Variants in FRRS1 observed in about 807,000 individuals in gnomAD.
The protein encoded by FRRS1 is ferric reductase 1.
FRRS1 carries 51 observed loss-of-function variants against 70.7 expected under a neutral mutation model. The ratio of observed to expected loss-of-function variants is 0.72; its 90% confidence interval spans 0.58 to 0.91. The LOEUF is 0.91. FRRS1 is among the 40% of genes least tolerant of loss of function. FRRS1 has a pLI of 0.00. For synonymous variants in FRRS1, 225 were observed against 238.7 expected, an observed-to-expected ratio of 0.94 and a Z score of 0.53; for missense variants, 672 against 726.0, an observed-to-expected ratio of 0.93 and a Z score of 0.86.
intron 1 of FRRS1, among the ~76,000 whole-genome samples, chr1:99,762,264 A>G (rs913364685): frequency 3.3e-5 from 5 of 152,228 alleles, no homozygotes; most frequent in Admixed American, 1.3e-4. Flanking sequence ...CAGAAACTCC[A>G]TAAGCGTTAG....
At chr1:99,722,516 A>G (rs920712878) in intron 9 of FRRS1, among the ~76,000 whole-genome samples, 4 of 152,200 alleles carry the variant, frequency 2.6e-5, no homozygotes, top group Non-Finnish European at 4.4e-5. Context: ...ATATTAAGAG[A>G]ATAATAAAAC....
chr1:99,743,739 G>A (rs559939011), intron 4 of FRRS1, among the ~76,000 whole-genome samples: 59 of 152,118 alleles, frequency 3.9e-4, no homozygotes, highest in African/African-American at 1.4e-3. Context: ...TTGTAGAGAC[G>A]GGGTTTCGCC....
chr1:99,742,885 G>T (rs369686182), intron 4 of FRRS1, among the ~76,000 whole-genome samples: 1 of 152,118 alleles, frequency 6.6e-6, no homozygotes, highest in African/African-American at 2.4e-5. Flanking sequence ...GTTCATAGAT[G>T]TGCTTATATG....
chr1:99,707,461 T>G lies in FRRS1; in HGVS notation c.*1567A>C, dbSNP rs1285990455. 1.3e-5 allele frequency among the ~76,000 whole-genome samples: 2 copies of G among 152,168 alleles called. No homozygotes were observed. Among genetic ancestry groups the G allele is most frequent in the East Asian group, 1.9e-4 (1 of 5,208 alleles). ...ATTTATTTGCTTTGCCTAAGATAGC[T>G]GCATTCATTATTACAGGGTCAGGGG... On this transcript the variant is annotated 3_prime_UTR_variant, in exon 17 of 17. Transcript: ENST00000646001.
intron 1 of FRRS1, among the ~76,000 whole-genome samples, chr1:99,762,299 T>C (rs949080437): frequency 6.6e-6 from 1 of 152,130 alleles, no homozygotes; most frequent in African/African-American, 2.4e-5. Context: ...GTTTATCATG[T>C]TTTTCCACCA....
intron 1 of FRRS1, among the ~76,000 whole-genome samples, chr1:99,749,961 G>T (rs1034517301): frequency 9.9e-5 from 15 of 152,188 alleles, no homozygotes; most frequent in Admixed American, 9.8e-4. Flanking sequence ...TATAGAAAAG[G>T]AGTTTTCTAT....
intron 15 of FRRS1, 45 bp from the exon 16 acceptor site, chr1:99,709,304 G>T: frequency 7.3e-7 from 1 of 1,377,168 alleles, no homozygotes; most frequent in Non-Finnish European, 1.0e-6. Context: ...GCGTTATGCA[G>T]GTAAATTAAA....
chr1:99,738,819 A>C (rs1655808788), intron 6 of FRRS1, among the ~76,000 whole-genome samples: 1 of 152,212 alleles, frequency 6.6e-6, no homozygotes, highest in African/African-American at 2.4e-5. Context: ...GGTCGCCCCA[A>C]TTTACCAGCA....
At position 99,708,605 on chromosome 1, in the gene FRRS1, A is replaced by AAC. The variant is rs1654109914; in HGVS notation, c.*422_*423insGT. ...AGAGCAAGACTCTGTCTCAAAAAAAAAAAAAAAAAAAAAAAAAAAAATATA... is the reference window on the plus strand; with the variant it reads ...AGAGCAAGACTCTGTCTCAAAAAAAAACAAAAAAAAAAAAAAAAAAAAATATA... On this transcript the variant is annotated 3_prime_UTR_variant, in exon 17 of 17. Coordinates refer to ENST00000646001, the MANE Select transcript of FRRS1 (RefSeq NM_001361041.2). 1.5e-5 allele frequency: 1 copy of AAC among 68,588 alleles called. No individual in the cohort carries two copies. The highest frequency in any genetic ancestry group is 2.4e-5 in the Non-Finnish European group (1 of 42,474). The allele number at this position is 68,588 out of a possible 1,614,324, so 4.2% of individuals were successfully genotyped here.
At chr1:99,729,614 T>C in intron 8 of FRRS1, 36 bp downstream of exon 8, 4 of 1,316,926 alleles carry the variant, frequency 3.0e-6, no homozygotes, top group Non-Finnish European at 3.3e-6. Flanking sequence ...GGAAAGCGGG[T>C]CTCCAGGTGG....
intron 4 of FRRS1, among the ~76,000 whole-genome samples, chr1:99,744,887 G>A (rs1571141448): frequency 6.7e-6 from 1 of 148,996 alleles, no homozygotes; most frequent in African/African-American, 2.5e-5. Flanking sequence ...GGAGAATGGC[G>A]TGAACCCGGG....
rs899828635 is a variant in FRRS1 at position 99,741,359 on chromosome 1, C to T, written c.429-419G>A. Among the ~76,000 whole-genome samples the T allele has an allele frequency of 3.9e-5, 6 of 152,240 alleles. No homozygotes were observed. The East Asian group carries it at 1.2e-3, about 29-fold the overall frequency. ...TAGAGGCTGCATCAGTAACCATCAG[C>T]TTTCACTGGGGTCACACCCCCTTTT... On this transcript the variant is annotated intron_variant, in intron 5 of 16. Transcript: ENST00000646001.
intron 5 of FRRS1, among the ~76,000 whole-genome samples, chr1:99,741,386 C>A (rs1378228673): frequency 6.6e-6 from 1 of 152,224 alleles, no homozygotes; most frequent in Non-Finnish European, 1.5e-5. Flanking sequence ...CCCCCTTTTT[C>A]ACATTCCATC....
intron 1 of FRRS1, among the ~76,000 whole-genome samples, chr1:99,751,654 T>C (rs915600684): frequency 2.0e-5 from 3 of 152,004 alleles, no homozygotes; most frequent in Non-Finnish European, 4.4e-5. Context: ...CCCCAAAAGA[T>C]TATCTCTCAA....
intron 7 of FRRS1, among the ~76,000 whole-genome samples, chr1:99,730,031 ACAC>A (rs1379190167): frequency 2.0e-5 from 3 of 152,208 alleles, no homozygotes; most frequent in Non-Finnish European, 4.4e-5. Context: ...CACTAATCGA[ACAC>A]CACTTTAATA....
chr1:99,728,963 G>T (rs1655207471), intron 8 of FRRS1, among the ~76,000 whole-genome samples: 1 of 152,190 alleles, frequency 6.6e-6, no homozygotes. Flanking sequence ...CAAAAACATT[G>T]AAATAAACAA....
chr1:99,728,591 C>G lies in FRRS1; in HGVS notation c.908G>C (p.Cys303Ser). The change falls in exon 9 of 17, where the codon TGT becomes TCT. Residue 303 changes from cysteine to serine, a missense_variant. Cys to Ser is a moderately radical substitution (Grantham distance 112). Coordinates refer to ENST00000646001, the MANE Select transcript of FRRS1 (RefSeq NM_001361041.2). The part of the protein sequence containing the change: ...AWRLADGVMQ[C>S]SFRRNITLPG... ...AAGGGTAATGTTTCTTCTGAAAGAA[C>G]ACTGCATAACACCGTCCGCCAACCT... is the stretch of plus-strand genomic sequence containing the variant. 6.2e-7 allele frequency: 1 copy of G among 1,613,936 alleles called. No individual in the cohort carries two copies. Among genetic ancestry groups the G allele is most frequent in the Non-Finnish European group, 8.5e-7 (1 of 1,179,846 alleles).
rs761217556 is a variant in FRRS1 at position 99,708,968 on chromosome 1, A to G, written c.*60T>C. 5 of 1,613,960 alleles carry G rather than the reference A, an allele frequency of 3.1e-6. No homozygotes were observed. The East Asian group carries it at 8.9e-5, about 29-fold the overall frequency. ...CTCCAGGCAGTCAGGACAGGCTTCA[A>G]GTTTCTTTGGTTTGATGATAATTAT... On this transcript the variant is annotated 3_prime_UTR_variant, in exon 17 of 17. Transcript: ENST00000646001.
rs779607252 is a variant in FRRS1, at chr1:99,712,641, GATA to G, written c.1324-129_1324-127del. Reference sequence around the variant, plus strand: ...ATGGCTTTAAAGATTCAATAATGATGATAATAATAATATGCAACATTCACTGAG... The same window carrying G: ...ATGGCTTTAAAGATTCAATAATGATGATAATAATATGCAACATTCACTGAG... On this transcript the variant is annotated intron_variant, in intron 12 of 16. Transcript: ENST00000646001. 47 of 551,022 alleles carry G rather than the reference GATA, an allele frequency of 8.5e-5. 1 individual carries two copies. Among genetic ancestry groups the G allele is most frequent in the South Asian group, 7.2e-4 (25 of 34,722 alleles). 34.1% of individuals were successfully genotyped at this position (551,022 alleles called of 1,614,324 possible).
Sources: gnomAD v4.1 joint callset for allele counts (sites outside exome capture counted in the v4.1 genomes callset) on GRCh38, gnomAD v4.1.1 for gene constraint, MANE v1.5 for transcripts, NCBI Gene and HGNC (gene_info 2026-07-23, HGNC 2026-07-21) for gene names.